The following PTPRD variants were observed in gnomAD, a reference collection of about 807,000 sequenced individuals.
The protein encoded by PTPRD is protein tyrosine phosphatase receptor type D, also known as receptor-type tyrosine-protein phosphatase delta.
Under a neutral mutation model 214.5 loss-of-function variants are expected in PTPRD, and 34 were observed. That is an observed-to-expected ratio of 0.16 (90% CI 0.12 to 0.21). The LOEUF is 0.21. Among genes scored for constraint, PTPRD ranks in the 10% least tolerant of loss-of-function variants. The pLI, the probability that PTPRD is intolerant of heterozygous loss-of-function variation, is 1.00. For missense variants in PTPRD, 2,545 were observed against 2,398.7 expected, an observed-to-expected ratio of 1.06 and a Z score of -1.27; for synonymous variants, 1,128 against 845.7, an observed-to-expected ratio of 1.33 and a Z score of -5.79.
intron 19 of PTPRD, 141 bp from the exon 20 acceptor site, chr9:8,521,687 TG>T: frequency 1.1e-6 from 1 of 907,094 alleles, no homozygotes; most frequent in Non-Finnish European, 1.6e-6. Context: ...AAAGAAAAAC[TG>T]TGGATAATAC....
chr9:9,727,107 C>A (rs1259156832), intron 7 of PTPRD, among the ~76,000 whole-genome samples: 1 of 152,084 alleles, frequency 6.6e-6, no homozygotes, highest in Non-Finnish European at 1.5e-5. Context: ...ACAAAACGTT[C>A]TTTCAATGTA....
chr9:10,202,323 C>G (rs1236065023), intron 3 of PTPRD, among the ~76,000 whole-genome samples: 1 of 151,808 alleles, frequency 6.6e-6, no homozygotes, highest in East Asian at 1.9e-4. Context: ...CCAGGAGTTT[C>G]AAACAGAGGC....
chr9:10,487,833 A>G (rs2099142485), intron 2 of PTPRD, among the ~76,000 whole-genome samples: 1 of 131,658 alleles, frequency 7.6e-6, no homozygotes, highest in African/African-American at 2.8e-5. Context: ...TTTTAGAAGA[A>G]CTTTTTTTTT....
chr9:8,854,040 T>C (rs1386918088), intron 11 of PTPRD, among the ~76,000 whole-genome samples: 2 of 152,322 alleles, frequency 1.3e-5, no homozygotes, highest in East Asian at 1.9e-4. Flanking sequence ...ATTATATCTA[T>C]ATTTAGCACT....
chr9:8,332,089 C>G (rs1414405157), intron 43 of PTPRD, among the ~76,000 whole-genome samples: 1 of 151,952 alleles, frequency 6.6e-6, no homozygotes, highest in Non-Finnish European at 1.5e-5. Context: ...TGTCTGCATT[C>G]CTTCCAAAAT....
At chr9:9,034,723 G>A (rs2099616187) in intron 10 of PTPRD, among the ~76,000 whole-genome samples, 1 of 152,050 alleles carries the variant, frequency 6.6e-6, no homozygotes, top group Admixed American at 6.6e-5. Flanking sequence ...GTGTCCAGAG[G>A]CGAGTTATCC....
chr9:9,737,565 T>A (rs900870018), intron 6 of PTPRD, among the ~76,000 whole-genome samples: 3 of 152,162 alleles, frequency 2.0e-5, no homozygotes, highest in African/African-American at 7.2e-5. Context: ...GATTTGCCTA[T>A]TCTGTACACT....
intron 10 of PTPRD, among the ~76,000 whole-genome samples, chr9:9,103,615 G>C (rs773272464): frequency 4.8e-5 from 7 of 145,232 alleles, no homozygotes; most frequent in African/African-American, 7.5e-5. Flanking sequence ...GCTTCCATAA[G>C]AAAAAAAAAA....
intron 9 of PTPRD, among the ~76,000 whole-genome samples, chr9:9,277,088 T>G (rs1945942749): frequency 6.6e-6 from 1 of 151,404 alleles, no homozygotes; most frequent in South Asian, 2.1e-4. Context: ...TTCAATCCCT[T>G]GTCTATATTT....
At chr9:8,625,815 T>G (rs546065087) in intron 14 of PTPRD, among the ~76,000 whole-genome samples, 3 of 151,014 alleles carry the variant, frequency 2.0e-5, no homozygotes, top group Non-Finnish European at 3.0e-5. Flanking sequence ...TTTTGGAAGA[T>G]GACAGATAAG....
At chr9:9,066,109 T>A (rs2099731002) in intron 10 of PTPRD, among the ~76,000 whole-genome samples, 1 of 149,560 alleles carries the variant, frequency 6.7e-6, no homozygotes, top group South Asian at 2.2e-4. Context: ...ACTGCATTCA[T>A]GAAAATGACT....
chr9:10,597,069 C>CTA (rs1484881089), intron 2 of PTPRD, among the ~76,000 whole-genome samples: 8 of 142,668 alleles, frequency 5.6e-5, no homozygotes, highest in African/African-American at 1.7e-4. Context: ...GATTTATTTT[C>CTA]CATATATATA....
chr9:9,842,155 G>C (rs1238195206), intron 5 of PTPRD, among the ~76,000 whole-genome samples: 1 of 151,816 alleles, frequency 6.6e-6, no homozygotes, highest in Non-Finnish European at 1.5e-5. Flanking sequence ...AGAATATTGA[G>C]AATTTATGCT....
intron 5 of PTPRD, among the ~76,000 whole-genome samples, chr9:9,813,959 A>G (rs1349946893): frequency 6.6e-6 from 1 of 152,190 alleles, no homozygotes; most frequent in Non-Finnish European, 1.5e-5. Context: ...ACCATAATCA[A>G]GTGGGATTTA....
chr9:9,287,047 A>G (rs1288207560), intron 9 of PTPRD, among the ~76,000 whole-genome samples: 1 of 150,204 alleles, frequency 6.7e-6, no homozygotes, highest in East Asian at 2.0e-4. Flanking sequence ...CAACATGGCA[A>G]AACACTGTCT....
At chr9:10,128,226 T>C (rs1165863217) in intron 3 of PTPRD, among the ~76,000 whole-genome samples, 1 of 152,122 alleles carries the variant, frequency 6.6e-6, no homozygotes, top group African/African-American at 2.4e-5. Context: ...CCCAAATTAA[T>C]ATGTTGAAGC....
chr9:10,208,340 C>T lies in PTPRD; in HGVS notation c.-545+132623G>A, dbSNP rs544208137. On this transcript the variant is annotated intron_variant, in intron 3 of 45. Transcript: ENST00000381196. ...CCATCCTGGCTAACACGGTGAAACC[C>T]CGTCTCTACTAAAAATACAAAAAAT... Among the ~76,000 whole-genome samples the T allele has an allele frequency of 3.9e-5, 6 of 152,250 alleles. No individual in the cohort carries two copies. The South Asian group carries it at 6.2e-4, about 16-fold the overall frequency.
intron 14 of PTPRD, among the ~76,000 whole-genome samples, chr9:8,552,575 G>A (rs1415474889): frequency 1.3e-5 from 2 of 152,074 alleles, no homozygotes; most frequent in Non-Finnish European, 2.9e-5. Flanking sequence ...CATGATGAAC[G>A]GAGGCCAAGC....
chr9:10,493,293 C>A (rs999371461), intron 2 of PTPRD, among the ~76,000 whole-genome samples: 2 of 152,072 alleles, frequency 1.3e-5, no homozygotes, highest in Non-Finnish European at 2.9e-5. Context: ...ATAGCCATAA[C>A]AATCCTAAGC....
Sources: gnomAD v4.1 joint callset for allele counts (sites outside exome capture counted in the v4.1 genomes callset) on GRCh38, gnomAD v4.1.1 for gene constraint, MANE v1.5 for transcripts, NCBI Gene and HGNC (gene_info 2026-07-23, HGNC 2026-07-21) for gene names.